NIBAN2: variants seen among roughly 807,000 people sequenced by gnomAD.
The protein encoded by NIBAN2 is protein Niban 2.
In NIBAN2, 36 loss-of-function variants were observed where a neutral mutation model predicts 81.8. That is an observed-to-expected ratio of 0.44 (90% CI 0.34 to 0.58). The LOEUF (loss-of-function observed/expected upper bound fraction) is 0.58. NIBAN2 is among the 20% of genes least tolerant of loss of function. The pLI is 0.02. For missense variants in NIBAN2, 897 were observed against 1,014.1 expected, an observed-to-expected ratio of 0.88 and a Z score of 1.57; for synonymous variants, 445 against 441.6, an observed-to-expected ratio of 1.01 and a Z score of -0.10.
chr9:127,561,211 AG>A, intron 1 of NIBAN2: 1 of 985,510 alleles, frequency 1.0e-6, no homozygotes, highest in Non-Finnish European at 1.2e-6. Flanking sequence ...CCAGGGGTCC[AG>A]GGCCATAGGC....
At chr9:127,553,340 G>A (rs867716164) in intron 1 of NIBAN2, among the ~76,000 whole-genome samples, 1 of 152,216 alleles carries the variant, frequency 6.6e-6, no homozygotes, top group Middle Eastern at 3.2e-3. Flanking sequence ...AGAGCTCACC[G>A]CCAAGCAACC....
Position 127,563,630 on chromosome 9 carries a change from C to A in NIBAN2, c.55+5190G>T, listed in dbSNP as rs571369851. Among the ~76,000 whole-genome samples, 2 of 151,960 alleles carry A rather than the reference C, an allele frequency of 1.3e-5. No individual in the cohort carries two copies. Among genetic ancestry groups the A allele is most frequent in the Admixed American group, 6.6e-5 (1 of 15,254 alleles). ...CTCCACCTCCCGGGTTCAAGCGATT[C>A]TTGTGCCGCAGCCTCCCAAGTAGCT... On this transcript the variant is annotated intron_variant, in intron 1 of 13. Transcript: ENST00000373312. The surrounding 1 kb of genome is among the most constrained non-coding windows in gnomAD (Gnocchi z 4.1).
chr9:127,526,462 T>C (rs188856814), intron 3 of NIBAN2, among the ~76,000 whole-genome samples: 2 of 148,974 alleles, frequency 1.3e-5, no homozygotes, highest in East Asian at 3.9e-4. Context: ...TGAATCAAAC[T>C]CTGGGGGAAA....
rs1029733281 is a variant in NIBAN2, at chr9:127,559,444, C to T, written c.55+9376G>A. 2.0e-5 allele frequency among the ~76,000 whole-genome samples: 3 copies of T among 152,230 alleles called. No homozygotes were observed. In the South Asian group the frequency reaches 6.2e-4, roughly 31 times the overall value. ...AGGGCTTGTCAGAGGCCTCCAGGCA[C>T]CCATCCTGGGGAGCCTGCCTCCTAG... On this transcript the variant is annotated intron_variant, in intron 1 of 13. Transcript: ENST00000373312. This position sits in a 1 kb window ranked among gnomAD's most constrained non-coding sequence, Gnocchi z 4.0.
chr9:127,520,830 G>A (rs1302893810), intron 5 of NIBAN2, among the ~76,000 whole-genome samples: 2 of 152,260 alleles, frequency 1.3e-5, no homozygotes, highest in East Asian at 1.9e-4. Flanking sequence ...GTTGCAGTGA[G>A]CCGAGATTGC....
At chr9:127,556,789 C>T (rs1240350453) in intron 1 of NIBAN2, among the ~76,000 whole-genome samples, 2 of 151,852 alleles carry the variant, frequency 1.3e-5, no homozygotes, top group African/African-American at 4.9e-5. Flanking sequence ...GAATCACAAC[C>T]ACGGGCTGGG....
intron 1 of NIBAN2, among the ~76,000 whole-genome samples, chr9:127,537,306 G>A (rs969302395): frequency 6.6e-6 from 1 of 152,218 alleles, no homozygotes; most frequent in African/African-American, 2.4e-5. Context: ...TAGCGTTTGA[G>A]GTGCTCAGCT....
intron 1 of NIBAN2, among the ~76,000 whole-genome samples, chr9:127,548,098 A>G (rs1408164226): frequency 2.6e-5 from 4 of 152,152 alleles, no homozygotes; most frequent in African/African-American, 9.7e-5. Context: ...CACGCCACGC[A>G]ATGGGAACCA....
chr9:127,538,902 G>A (rs1418196679), intron 1 of NIBAN2, among the ~76,000 whole-genome samples: 12 of 145,110 alleles, frequency 8.3e-5, no homozygotes, highest in South Asian at 4.3e-4. Context: ...CTGAGATTGC[G>A]CCATCGTACT....
intron 9 of NIBAN2, 149 bp downstream of exon 9, chr9:127,509,997 C>G (rs1836702807): frequency 1.5e-6 from 1 of 668,742 alleles, no homozygotes; most frequent in Non-Finnish European, 2.4e-6. Context: ...GGCCTCACAG[C>G]CTCTGCCCCT....
At position 127,536,279 on chromosome 9, in the gene NIBAN2, C is replaced by A. The variant is rs1359551876; in HGVS notation, c.56-4501G>T. Among the ~76,000 whole-genome samples the A allele has an allele frequency of 6.6e-6, 1 of 152,218 alleles. No individual in the cohort carries two copies. The highest frequency in any genetic ancestry group is 1.5e-5 in the Non-Finnish European group (1 of 68,036). ...CCAGCAGCATTGGGAGGGGGCCAGCCTGGACAAAGGGCTTGCAGGGCCTTC... is the reference window on the plus strand; with the variant it reads ...CCAGCAGCATTGGGAGGGGGCCAGCATGGACAAAGGGCTTGCAGGGCCTTC... On this transcript the variant is annotated intron_variant, in intron 1 of 13. Coordinates refer to ENST00000373312, the MANE Select transcript of NIBAN2 (RefSeq NM_022833.4). This position sits in a 1 kb window ranked among gnomAD's most constrained non-coding sequence, Gnocchi z 4.0.
chr9:127,527,824 C>A (rs1220359102), intron 2 of NIBAN2, among the ~76,000 whole-genome samples: 2 of 152,170 alleles, frequency 1.3e-5, no homozygotes, highest in African/African-American at 4.8e-5. Context: ...CCCCTCAGGG[C>A]AATGATAACT....
chr9:127,570,445 C>T (rs1430420031), upstream of NIBAN2, among the ~76,000 whole-genome samples: 1 of 152,142 alleles, frequency 6.6e-6, no homozygotes, highest in East Asian at 1.9e-4. Flanking sequence ...TGGCATTACC[C>T]CTTTGAACTT....
chr9:127,513,375 C>T (rs1836770640), intron 8 of NIBAN2, among the ~76,000 whole-genome samples: 1 of 152,142 alleles, frequency 6.6e-6, no homozygotes, highest in Non-Finnish European at 1.5e-5. Context: ...TGAATCAGAG[C>T]AACTGTATCT....
At position 127,531,653 on chromosome 9, in the gene NIBAN2, G is replaced by T. The variant is rs371821621; in HGVS notation, c.181C>A (p.Arg61Ser). 10 of 1,612,874 alleles carry T rather than the reference G, an allele frequency of 6.2e-6. No homozygotes were observed. The highest frequency in any genetic ancestry group is 8.5e-6 in the Non-Finnish European group (10 of 1,179,982). The change falls in exon 2 of 14, where the codon CGC (arginine) becomes AGC (serine). Residue 61 changes from arginine (R) to serine (S), a missense_variant. By Grantham distance (110) the Arg-to-Ser change is moderately radical. This residue lies in a region of NIBAN2 where 209 missense variants were observed against 208.4 expected (regional missense o/e 1.00). Coordinates refer to ENST00000373312, the MANE Select transcript of NIBAN2 (RefSeq NM_022833.4). Reference sequence around the variant, plus strand: ...GCCCTCCCAGCACCTCTCACCTTGCGCCAGAGCAGCTGGGCCTGCGGCAGC... The same window carrying T: ...GCCCTCCCAGCACCTCTCACCTTGCTCCAGAGCAGCTGGGCCTGCGGCAGC... The part of the protein sequence containing the change: ...TGLPQAQLLW[R>S]KVPLDERIVF...
intron 1 of NIBAN2, among the ~76,000 whole-genome samples, chr9:127,553,406 G>A (rs567571655): frequency 6.6e-6 from 1 of 152,320 alleles, no homozygotes; most frequent in East Asian, 1.9e-4. Flanking sequence ...CTCCAGGAGG[G>A]AAGGAGTTCC....
At chr9:127,573,926 GGGATTACA>G (rs1837977894), upstream of NIBAN2, among the ~76,000 whole-genome samples, 1 of 152,148 alleles carries the variant, frequency 6.6e-6, no homozygotes, top group East Asian at 1.9e-4. Context: ...TCAAAGTGCT[GGGATTACA>G]GGTATGAGCC....
At chr9:127,576,826 C>T (rs7875375) in intron 1 of NIBAN2, among the ~76,000 whole-genome samples, 2 of 151,296 alleles carry the variant, frequency 1.3e-5, no homozygotes, top group Non-Finnish European at 2.9e-5. Flanking sequence ...TTACTGCAAC[C>T]TCAGCCTCCC....
intron 1 of NIBAN2, among the ~76,000 whole-genome samples, chr9:127,578,427 C>A (rs919570436): frequency 6.7e-6 from 1 of 149,776 alleles, no homozygotes; most frequent in African/African-American, 2.5e-5. Context: ...TTTAGGAGAC[C>A]GAGGCAGGTG....
Sources: allele counts gnomAD v4.1 joint callset (sites outside exome capture counted in the v4.1 genomes callset), GRCh38; gene constraint gnomAD v4.1.1; regional missense constraint gnomAD v4.1.1; non-coding constraint Gnocchi (gnomAD v3.1); transcripts MANE v1.5; gene names NCBI Gene and HGNC (gene_info 2026-07-23, HGNC 2026-07-21).